DISP3: variants seen among roughly 807,000 people sequenced by gnomAD.
The protein encoded by DISP3 is protein dispatched homolog 3.
DISP3 carries 101 observed loss-of-function variants against 135.3 expected under a neutral mutation model. The observed-to-expected ratio is 0.75, with a 90% CI of 0.64 to 0.88. The LOEUF is 0.88. DISP3 is among the 40% of genes least tolerant of loss of function. DISP3 has a pLI of 0.00. For missense variants in DISP3, 1,713 were observed against 1,878.6 expected, an observed-to-expected ratio of 0.91 and a Z score of 1.63; for synonymous variants, 856 against 817.0, an observed-to-expected ratio of 1.05 and a Z score of -0.81.
At position 11,519,956 on chromosome 1, in the gene DISP3, C is replaced by G. The variant is rs1642134530; in HGVS notation, c.2200+76C>G. On this transcript the variant is annotated intron_variant, in intron 9 of 20. Transcript: ENST00000294484. This position sits in a 1 kb window ranked among gnomAD's most constrained non-coding sequence, Gnocchi z 4.3. ...ACACACAGGAACTGGGAGCCCACCCCCTCTCGCAGATGCCCCAGGGTCAGA... is the reference window on the plus strand; with the variant it reads ...ACACACAGGAACTGGGAGCCCACCCGCTCTCGCAGATGCCCCAGGGTCAGA... The G allele has an allele frequency of 6.9e-7, 1 of 1,444,990 alleles. No individual in the cohort carries two copies. The highest frequency in any genetic ancestry group is 9.4e-7 in the Non-Finnish European group (1 of 1,065,566). The allele number at this position is 1,444,990 out of a possible 1,614,324, so 89.5% of individuals were successfully genotyped here. A position where few individuals can be genotyped will look rare whatever the true frequency, so the allele number is the denominator to read the frequency against.
At chr1:11,534,663 G>A in intron 18 of DISP3, 123 bp downstream of exon 18, 1 of 1,290,444 alleles carries the variant, frequency 7.7e-7, no homozygotes, top group Non-Finnish European at 1.1e-6. Flanking sequence ...AGGAAACCGG[G>A]TGGCACGGTG....
intron 13 of DISP3, among the ~76,000 whole-genome samples, chr1:11,527,912 T>C (rs1249607696): frequency 6.6e-6 from 1 of 152,208 alleles, no homozygotes; most frequent in African/African-American, 2.4e-5. Context: ...CCCACTGCTC[T>C]CCTGGCCCCA....
chr1:11,482,860 C>T (rs904141667), intron 1 of DISP3, among the ~76,000 whole-genome samples: 3 of 152,180 alleles, frequency 2.0e-5, no homozygotes, highest in Non-Finnish European at 4.4e-5. Flanking sequence ...AGCATGGTGT[C>T]TTGCCAAAGG....
chr1:11,480,666 A>AGC (rs200064636), intron 1 of DISP3, among the ~76,000 whole-genome samples: 10 of 116,190 alleles, frequency 8.6e-5, no homozygotes, highest in Non-Finnish European at 1.6e-4. Context: ...TTCCACCCCC[A>AGC]GCGCGCGCGT....
chr1:11,526,558 TGCC>T, intron 12 of DISP3, 90 bp from the exon 13 acceptor site: 1 of 1,390,454 alleles, frequency 7.2e-7, no homozygotes, highest in Non-Finnish European at 1.0e-6. Flanking sequence ...GGGTGAACTA[TGCC>T]GAGGAGGGAG....
Position 11,499,202 on chromosome 1 carries a change from C to A in DISP3, c.-3-1788C>A, listed in dbSNP as rs1641429689. Among the ~76,000 whole-genome samples, 1 of 152,130 alleles carries A rather than the reference C, an allele frequency of 6.6e-6. No homozygotes were observed. The highest frequency in any genetic ancestry group is 2.4e-5 in the African/African-American group (1 of 41,422). On this transcript the variant is annotated intron_variant, in intron 1 of 20. Coordinates refer to ENST00000294484, the MANE Select transcript of DISP3 (RefSeq NM_020780.2). The surrounding 1 kb of genome is among the most constrained non-coding windows in gnomAD (Gnocchi z 5.2). ...GTGTTGCTGTGACCCAGAATCCTGGCCTTTGACCCCCTGCAACACCAACAC... is the reference window on the plus strand; with the variant it reads ...GTGTTGCTGTGACCCAGAATCCTGGACTTTGACCCCCTGCAACACCAACAC...
Position 11,537,028 on chromosome 1 carries a change from C to T in DISP3, c.*342C>T, listed in dbSNP as rs1642726957. On this transcript the variant is annotated 3_prime_UTR_variant, in exon 21 of 21. Transcript: ENST00000294484. ...CTCACACTGCCTCAGTGCTCACAAC[C>T]TTCCAGTGTGGATGTTACAGGGTGG... 1 of 285,422 alleles carries T rather than the reference C, an allele frequency of 3.5e-6. No homozygotes were observed. Among genetic ancestry groups the T allele is most frequent in the Non-Finnish European group, 6.6e-6 (1 of 151,600 alleles). 17.7% of individuals were successfully genotyped at this position (285,422 alleles called of 1,614,324 possible).
At chr1:11,535,725 G>T (rs1315688537) in intron 20 of DISP3, 81 bp downstream of exon 20, 47 of 1,506,170 alleles carry the variant, frequency 3.1e-5, no homozygotes, top group Non-Finnish European at 3.1e-5. Context: ...ACCCTCAAGG[G>T]CAGCTGAACA....
intron 3 of DISP3, 128 bp from the exon 4 acceptor site, chr1:11,514,262 A>G (rs537839489): frequency 2.6e-6 from 3 of 1,150,728 alleles, no homozygotes; most frequent in Admixed American, 2.0e-5. Context: ...GGTGATTTTG[A>G]TATCCAACCA....
intron 3 of DISP3, among the ~76,000 whole-genome samples, chr1:11,507,111 C>A (rs2473472): frequency 0.036 from 5,545 of 152,140 alleles, 339 homozygotes; most frequent in African/African-American, 0.13. Context: ...GTGAAAAAAA[C>A]ACACACACAC....
At chr1:11,526,944 C>CTTTTTT in intron 13 of DISP3, 109 bp downstream of exon 13, 1 of 1,024,300 alleles carries the variant, frequency 9.8e-7, no homozygotes, top group South Asian at 1.9e-5. Flanking sequence ...GGCCCCCTCA[C>CTTTTTT]TTTTTTTTTT....
At chr1:11,518,371 C>G (rs906737150) in intron 7 of DISP3, among the ~76,000 whole-genome samples, 1 of 152,248 alleles carries the variant, frequency 6.6e-6, no homozygotes, top group Non-Finnish European at 1.5e-5. Context: ...TCTCCCCACT[C>G]ACATCTTCAC....
intron 3 of DISP3, among the ~76,000 whole-genome samples, chr1:11,504,964 A>G (rs2100422436): frequency 6.6e-6 from 1 of 152,352 alleles, no homozygotes; most frequent in South Asian, 2.1e-4. Flanking sequence ...AGTCAGATAT[A>G]TCTTGGGTCC....
At position 11,536,582 on chromosome 1, in the gene DISP3, G is replaced by A; in HGVS notation, c.4075G>A (p.Ala1359Thr). Reference sequence around the variant, plus strand: ...TCGGACCCGGACTTCCTTCCTCAAGGCCCTGGGTGCCGTGCTGCTGGCAGG... The same window carrying A: ...TCGGACCCGGACTTCCTTCCTCAAGACCCTGGGTGCCGTGCTGCTGGCAGG... ...FTRTRTSFLK[A>T]LGAVLLAGAL... Residue 1359 changes from alanine (A) to threonine (T), a missense_variant, in exon 21 of 21, where the codon GCC becomes ACC. Coordinates refer to ENST00000294484, the MANE Select transcript of DISP3 (RefSeq NM_020780.2). The surrounding 1 kb of genome is among the most constrained non-coding windows in gnomAD (Gnocchi z 4.3). 1 of 1,611,940 alleles carries A rather than the reference G, an allele frequency of 6.2e-7. No individual in the cohort carries two copies. The highest frequency in any genetic ancestry group is 8.5e-7 in the Non-Finnish European group (1 of 1,179,830).
rs754739795 is a variant in DISP3, at chr1:11,501,487, G to A, written c.495G>A (p.Ser165=). ...AGCAGCTGCATCTCGGCAACCGCTC[G>A]CGGCAAGCCTCCCGAGCCCCCCGCG... The part of the protein sequence containing the change: ...QLQQLHLGNR[S]RQASRAPRVI... The change falls in exon 2 of 21, where the codon TCG becomes TCA. Residue 165 remains serine, a synonymous_variant. Transcript: ENST00000294484. The surrounding 1 kb of genome is among the most constrained non-coding windows in gnomAD (Gnocchi z 4.9). 2 of 1,606,140 alleles carry A rather than the reference G, an allele frequency of 1.2e-6. No homozygotes were observed. The highest frequency in any genetic ancestry group is 2.2e-5 in the East Asian group (1 of 44,786).
intron 17 of DISP3, chr1:11,533,647 GT>G (rs1327955574): frequency 1.5e-5 from 10 of 646,138 alleles, no homozygotes; most frequent in African/African-American, 5.3e-5. Context: ...GCCCCAGGCA[GT>G]TCCAGGGAGG....
intron 17 of DISP3, among the ~76,000 whole-genome samples, chr1:11,532,585 G>GCC (rs1315144261): frequency 6.6e-6 from 1 of 152,218 alleles, no homozygotes; most frequent in South Asian, 2.1e-4. Context: ...CCCTCAGCGA[G>GCC]CCCCCAGGCA....
chr1:11,532,446 T>C (rs1328242439), intron 17 of DISP3, among the ~76,000 whole-genome samples: 1 of 152,150 alleles, frequency 6.6e-6, no homozygotes, highest in Non-Finnish European at 1.5e-5. Flanking sequence ...GGACTAAGAA[T>C]CAATGTGACG....
chr1:11,514,297 C>G (rs1252660444), intron 3 of DISP3, 93 bp from the exon 4 acceptor site: 3 of 1,415,510 alleles, frequency 2.1e-6, no homozygotes, highest in Non-Finnish European at 2.9e-6. Flanking sequence ...GTGAAGTGGA[C>G]AGCTCCTGAT....
Sources: gnomAD v4.1 joint callset for allele counts (sites outside exome capture counted in the v4.1 genomes callset) on GRCh38, gnomAD v4.1.1 for gene constraint, Gnocchi (gnomAD v3.1) non-coding constraint, MANE v1.5 for transcripts, NCBI Gene and HGNC (gene_info 2026-07-23, HGNC 2026-07-21) for gene names.